The following KIF13A variants were observed in gnomAD, a reference collection of about 807,000 sequenced individuals.
KIF13A encodes the protein kinesin-like protein KIF13A.
Under a neutral mutation model 212.2 loss-of-function variants are expected in KIF13A, and 79 were observed. The observed-to-expected ratio is 0.37, with a 90% confidence interval of 0.31 to 0.45. The LOEUF (loss-of-function observed/expected upper bound fraction) is 0.45, where lower values mean the gene tolerates loss of function less well. KIF13A is among the 20% of genes least tolerant of loss of function. KIF13A has a pLI of 1.00. For missense variants in KIF13A, 1,901 were observed against 2,209.0 expected (o/e 0.86, Z 2.79); for synonymous variants, 789 against 808.6 (o/e 0.98, Z 0.41).
chr6:17,869,178 G>T (rs960339400), intron 4 of KIF13A, among the ~76,000 whole-genome samples: 3 of 152,016 alleles, frequency 2.0e-5, no homozygotes, highest in African/African-American at 7.3e-5. Context: ...AGCTGGAGGG[G>T]ATCTGAGATC....
In KIF13A at chr6:17,831,222, TGTC is replaced by T; in HGVS notation, c.1277_1279del (p.Arg426del). The T allele has an allele frequency of 6.2e-7, 1 of 1,612,522 alleles. No homozygotes were observed. Among genetic ancestry groups the T allele is most frequent in the Non-Finnish European group, 8.5e-7 (1 of 1,179,500 alleles). On this transcript the variant is annotated inframe_deletion, in exon 13 of 39. Transcript: ENST00000259711. ...CAGGGAAATCCCCATGCTTTCAAGTTGTCGTTGTCTTTCCTGTGCACAAAAACA... is the reference window on the plus strand; with the variant it reads ...CAGGGAAATCCCCATGCTTTCAAGTTGTTGTCTTTCCTGTGCACAAAAACA...
chr6:17,765,656 AAC>A (rs1491545431), intron 38 of KIF13A, among the ~76,000 whole-genome samples: 1 of 152,166 alleles, frequency 6.6e-6, no homozygotes, highest in Non-Finnish European at 1.5e-5. Context: ...TCCTTTGTAA[AAC>A]AGTTTTCAAG....
chr6:17,828,124 A>G lies in KIF13A; in HGVS notation c.1532+116T>C. 1.5e-5 allele frequency: 14 copies of G among 964,086 alleles called. No homozygotes were observed. Among genetic ancestry groups the G allele is most frequent in the Non-Finnish European group, 2.1e-5 (14 of 667,346 alleles). 59.7% of individuals were successfully genotyped at this position (964,086 alleles called of 1,614,324 possible). A position where few individuals can be genotyped will look rare whatever the true frequency, so the allele number is the denominator to read the frequency against. ...ACAATCAGAAAGCAAGGGCCCCCTGAGGACCCCCATGTATCCTTAACTTTA... is the reference window on the plus strand; with the variant it reads ...ACAATCAGAAAGCAAGGGCCCCCTGGGGACCCCCATGTATCCTTAACTTTA... On this transcript the variant is annotated intron_variant, in intron 14 of 38. Coordinates refer to ENST00000259711, the MANE Select transcript of KIF13A (RefSeq NM_022113.6). This position sits in a 1 kb window ranked among gnomAD's most constrained non-coding sequence, Gnocchi z 4.3.
chr6:17,969,657 C>T (rs77748314), intron 2 of KIF13A, among the ~76,000 whole-genome samples: 11,359 of 152,138 alleles, frequency 0.075, 486 homozygotes, highest in Middle Eastern at 0.13. Flanking sequence ...AACTTGAGGG[C>T]TTCTCTGTTA....
intron 2 of KIF13A, among the ~76,000 whole-genome samples, chr6:17,976,716 G>C (rs1474246673): frequency 6.6e-6 from 1 of 151,988 alleles, no homozygotes; most frequent in Non-Finnish European, 1.5e-5. Flanking sequence ...GAGCGAGCGA[G>C]GGCTCTGAGG....
At chr6:17,832,146 A>G (rs1244846928) in intron 12 of KIF13A, among the ~76,000 whole-genome samples, 2 of 152,194 alleles carry the variant, frequency 1.3e-5, no homozygotes, top group African/African-American at 4.8e-5. Context: ...ACTGCTGTTA[A>G]GCTACGTGAT....
intron 2 of KIF13A, among the ~76,000 whole-genome samples, chr6:17,960,284 G>C (rs770156082): frequency 6.6e-6 from 1 of 152,130 alleles, no homozygotes; most frequent in Non-Finnish European, 1.5e-5. Context: ...AAAAGAGAGC[G>C]AGTATAAAAA....
chr6:17,835,613 G>A (rs1014675451), intron 11 of KIF13A, among the ~76,000 whole-genome samples: 2 of 152,106 alleles, frequency 1.3e-5, no homozygotes, highest in Non-Finnish European at 2.9e-5. Flanking sequence ...GCTAGGGGTT[G>A]GGGATAAAAA....
At chr6:17,791,764 G>C (rs1332547217) in intron 25 of KIF13A, among the ~76,000 whole-genome samples, 1 of 151,194 alleles carries the variant, frequency 6.6e-6, no homozygotes, top group Non-Finnish European at 1.5e-5. Context: ...GCTGGGTGTG[G>C]TGGTGCGGGC....
chr6:17,939,657 A>C (rs1460400065), intron 2 of KIF13A, among the ~76,000 whole-genome samples: 2 of 152,198 alleles, frequency 1.3e-5, no homozygotes, highest in Non-Finnish European at 2.9e-5. Context: ...TGAGGTAAAG[A>C]AGCGGCTAAA....
chr6:17,987,520 A>ACGCG lies in KIF13A; in HGVS notation c.-61_-58dup, dbSNP rs966291136. On this transcript the variant is annotated 5_prime_UTR_variant, in exon 1 of 39. An upstream open reading frame in the 5' UTR loses its in-frame stop. Coordinates refer to ENST00000259711, the MANE Select transcript of KIF13A (RefSeq NM_022113.6). This position sits in a 1 kb window ranked among gnomAD's most constrained non-coding sequence, Gnocchi z 7.7. ...CCCGCTCGGCCTTAGGCGGCCCCTCACGCGCGGCGCCGCCGCCGCTGCAGC... is the reference window on the plus strand; with the variant it reads ...CCCGCTCGGCCTTAGGCGGCCCCTCACGCGCGCGCGGCGCCGCCGCCGCTGCAGC... 1.2e-4 allele frequency: 112 copies of ACGCG among 972,132 alleles called. No homozygotes were observed. Among genetic ancestry groups the ACGCG allele is most frequent in the Non-Finnish European group, 1.4e-4 (110 of 800,416 alleles). 60.2% of individuals were successfully genotyped at this position (972,132 alleles called of 1,614,324 possible).
rs1777848750 is a variant in KIF13A at position 17,951,553 on chromosome 6, CA to C, written c.146+35500del. ...TCACAGAGTTATGTGGCTATCACCA[CA>C]ACTGCAGAACATTCTCAATACCCCC... is the stretch of plus-strand genomic sequence containing the variant. On this transcript the variant is annotated intron_variant, in intron 2 of 38. Transcript: ENST00000259711. This position sits in a 1 kb window ranked among gnomAD's most constrained non-coding sequence, Gnocchi z 4.9. The C allele has an allele frequency of 4.7e-6, 2 of 422,412 alleles. No individual in the cohort carries two copies. The highest frequency in any genetic ancestry group is 7.1e-5 in the East Asian group (2 of 28,082). The allele number at this position is 422,412 out of a possible 1,614,324, so 26.2% of individuals were successfully genotyped here. A position where few individuals can be genotyped will look rare whatever the true frequency, so the allele number is the denominator to read the frequency against.
chr6:17,767,983 A>G (rs1759161383), intron 38 of KIF13A, among the ~76,000 whole-genome samples: 1 of 152,202 alleles, frequency 6.6e-6, no homozygotes, highest in African/African-American at 2.4e-5. Flanking sequence ...AAAATAACCC[A>G]AAAGCCCAGA....
chr6:17,920,558 C>G (rs7747769), intron 2 of KIF13A, among the ~76,000 whole-genome samples: 25,328 of 152,114 alleles, frequency 0.17, 2,284 homozygotes, highest in Middle Eastern at 0.25. Flanking sequence ...ACAAAACTAC[C>G]TATTCACTCT....
At chr6:17,790,249 T>A (rs1761419652) in intron 25 of KIF13A, among the ~76,000 whole-genome samples, 1 of 151,986 alleles carries the variant, frequency 6.6e-6, no homozygotes, top group South Asian at 2.1e-4. Flanking sequence ...CAAAAAATTT[T>A]AAAAAATTAG....
chr6:17,978,783 A>G (rs1221349191), intron 2 of KIF13A, among the ~76,000 whole-genome samples: 1 of 152,182 alleles, frequency 6.6e-6, no homozygotes. Context: ...GGCATGTGCA[A>G]TTTTATTGAA....
intron 2 of KIF13A, among the ~76,000 whole-genome samples, chr6:17,913,233 G>C (rs1330982824): frequency 6.6e-6 from 1 of 152,088 alleles, no homozygotes; most frequent in Admixed American, 6.6e-5. Context: ...GGAGCAGGGA[G>C]CTGGAATGTA....
At chr6:17,765,786 CA>C (rs1468176800) in intron 38 of KIF13A, among the ~76,000 whole-genome samples, 1 of 152,068 alleles carries the variant, frequency 6.6e-6, no homozygotes, top group Non-Finnish European at 1.5e-5. Context: ...ATTTTAAGTC[CA>C]AATAAAATAA....
In KIF13A at chr6:17,934,691, G is replaced by A. The variant is rs376034522; in HGVS notation, c.147-36511C>T. 1.3e-5 allele frequency among the ~76,000 whole-genome samples: 2 copies of A among 151,994 alleles called. No individual in the cohort carries two copies. Among genetic ancestry groups the A allele is most frequent in the African/African-American group, 2.4e-5 (1 of 41,430 alleles). On this transcript the variant is annotated intron_variant, in intron 2 of 38. Transcript: ENST00000259711. The surrounding 1 kb of genome is among the most constrained non-coding windows in gnomAD (Gnocchi z 5.4). ...TGGTCTCACCTACTTGGGAGGCCGA[G>A]GTGGGAGGATCGCTTGAGCCCAGGA...
Sources: gnomAD v4.1 joint callset for allele counts (sites outside exome capture counted in the v4.1 genomes callset) on GRCh38, gnomAD v4.1.1 for gene constraint, Gnocchi (gnomAD v3.1) non-coding constraint, MANE v1.5 for transcripts, NCBI Gene and HGNC (gene_info 2026-07-23, HGNC 2026-07-21) for gene names.